Variants in BCL7A observed in about 807,000 individuals in gnomAD.
The protein encoded by BCL7A is BAF chromatin remodeling complex subunit BCL7A.
BCL7A carries 11 observed loss-of-function variants against 28.4 expected under a neutral mutation model. That is an observed-to-expected ratio of 0.39 (90% confidence interval 0.24 to 0.64). The LOEUF (loss-of-function observed/expected upper bound fraction) is 0.64. BCL7A is among the 30% of genes least tolerant of loss of function. The probability of loss-of-function intolerance (pLI) is 0.50; values close to 1 mark genes in which losing one functional copy is unlikely to be tolerated. For missense variants in BCL7A, 222 were observed against 274.8 expected (o/e 0.81, Z 1.36); for synonymous variants, 123 against 103.3 (o/e 1.19, Z -1.15).
intron 1 of BCL7A, among the ~76,000 whole-genome samples, chr12:122,023,697 C>T (rs569050590): frequency 1.3e-5 from 2 of 152,266 alleles, no homozygotes; most frequent in East Asian, 1.9e-4. Context: ...TCCCCTGGTA[C>T]ACAGGGTGCC....
chr12:122,054,407 G>T (rs7299842), intron 4 of BCL7A, among the ~76,000 whole-genome samples: 1 of 152,042 alleles, frequency 6.6e-6, no homozygotes, highest in Non-Finnish European at 1.5e-5. Context: ...ATTATTAAGA[G>T]AAATGTTTAC....
chr12:122,061,713 C>A lies in BCL7A; in HGVS notation c.*2550C>A, dbSNP rs758996441. ...AGGGCAAACCTAATTCCCCCCAAAA[C>A]GTGAAGTCGGGGAAGCTGCGGCTAC... On this transcript the variant is annotated 3_prime_UTR_variant, in exon 6 of 6. Coordinates refer to ENST00000261822, the MANE Select transcript of BCL7A (RefSeq NM_001024808.3). The A allele has an allele frequency of 4.3e-6, 1 of 231,088 alleles. No homozygotes were observed. Among genetic ancestry groups the A allele is most frequent in the South Asian group, 1.8e-4 (1 of 5,498 alleles). 14.3% of individuals were successfully genotyped at this position (231,088 alleles called of 1,614,324 possible).
At chr12:122,054,988 G>A in intron 5 of BCL7A, 62 bp downstream of exon 5, 1 of 1,613,298 alleles carries the variant, frequency 6.2e-7, no homozygotes, top group Non-Finnish European at 8.5e-7. Context: ...GGGTTGTCGG[G>A]GGTACGTTGA....
At chr12:122,024,241 T>G (rs1883558556) in intron 1 of BCL7A, among the ~76,000 whole-genome samples, 2 of 152,318 alleles carry the variant, frequency 1.3e-5, no homozygotes, top group Non-Finnish European at 2.9e-5. Context: ...TGGTCCAGCT[T>G]CCAGTTCACT....
rs1231863940 is a variant in BCL7A at position 122,054,848 on chromosome 12, G to T, written c.483G>T (p.Ser161=). The change falls in exon 5 of 6, where the codon TCG becomes TCT. Residue 161 remains serine, a synonymous_variant. Coordinates refer to ENST00000261822, the MANE Select transcript of BCL7A (RefSeq NM_001024808.3). Reference sequence around the variant, plus strand: ...ATTCACAGTCCTCGATGGAACATTCGATGAACAGCTCAGAGAAAGTAGATC... The same window carrying T: ...ATTCACAGTCCTCGATGGAACATTCTATGAACAGCTCAGAGAAAGTAGATC... ...EQNSQSSMEH[S]MNSSEKVDRQ... 1 of 1,614,068 alleles carries T rather than the reference G, an allele frequency of 6.2e-7. No homozygotes were observed. Among genetic ancestry groups the T allele is most frequent in the Non-Finnish European group, 8.5e-7 (1 of 1,180,052 alleles).
At chr12:122,032,628 C>T (rs572574825) in intron 2 of BCL7A, among the ~76,000 whole-genome samples, 42 of 152,164 alleles carry the variant, frequency 2.8e-4, no homozygotes, top group Admixed American at 5.9e-4. Context: ...AGACCAGCCC[C>T]GATTAACCTG....
At chr12:122,025,225 C>A (rs1441328019) in intron 1 of BCL7A, among the ~76,000 whole-genome samples, 2 of 151,822 alleles carry the variant, frequency 1.3e-5, no homozygotes, top group Admixed American at 6.6e-5. Context: ...AGGCCCGCTG[C>A]GGTGGCTCAC....
At chr12:122,049,034 A>AT (rs1565941514) in intron 4 of BCL7A, among the ~76,000 whole-genome samples, 606 of 56,662 alleles carry the variant, frequency 0.011, no homozygotes, top group South Asian at 0.034. Flanking sequence ...AAAAAAAAAA[A>AT]AATATATATA....
At position 122,035,896 on chromosome 12, in the gene BCL7A, G is replaced by A. The variant is rs575491281; in HGVS notation, c.271+469G>A. Among the ~76,000 whole-genome samples, 70 of 152,102 alleles carry A rather than the reference G, an allele frequency of 4.6e-4. 1 individual carries two copies. The highest frequency in any genetic ancestry group is 1.3e-3 in the African/African-American group (54 of 41,492). On this transcript the variant is annotated intron_variant, in intron 3 of 5. Transcript: ENST00000261822. ...TGCTCTGTTGACCAGGCCAGAGTGC[G>A]GTGGCGTGGTCTTGGCTCACTGCAA...
intron 3 of BCL7A, among the ~76,000 whole-genome samples, chr12:122,041,348 T>G (rs1457482854): frequency 1.3e-5 from 2 of 152,058 alleles, no homozygotes; most frequent in Non-Finnish European, 2.9e-5. Flanking sequence ...GGTGCCCAGG[T>G]CTGTTGGGGT....
rs57981128 is a variant in BCL7A at position 122,060,791 on chromosome 12, A to AT, written c.*1639dup. ...AAGAGTTTCTGAGGGTGAGGCTCTT[A>AT]TTTTTTTTTTTAAGGGATCCTGTCT... On this transcript the variant is annotated 3_prime_UTR_variant, in exon 6 of 6. Coordinates refer to ENST00000261822, the MANE Select transcript of BCL7A (RefSeq NM_001024808.3). The AT allele has an allele frequency of 0.064, 11,728 of 183,070 alleles. 427 individuals carry two copies. Among genetic ancestry groups the AT allele is most frequent in the African/African-American group, 0.16 (6,442 of 40,192 alleles). 11.3% of individuals were successfully genotyped at this position (183,070 alleles called of 1,614,324 possible). A position where few individuals can be genotyped will look rare whatever the true frequency, so the allele number is the denominator to read the frequency against.
In BCL7A at chr12:122,059,088, C is replaced by T. The variant is rs1951898762; in HGVS notation, c.562-4C>T. 6.2e-7 allele frequency: 1 copy of T among 1,603,838 alleles called. No homozygotes were observed. The highest frequency in any genetic ancestry group is 8.5e-7 in the Non-Finnish European group (1 of 1,170,582). ...CTGTGTTCCCCTTTTCTCCTCTCCC[C>T]AAGGATTTGGAAGGAGTGCCACCCT... On this transcript the variant is annotated splice_polypyrimidine_tract_variant and splice_region_variant and intron_variant, in intron 5 of 5. Transcript: ENST00000261822. This position sits in a 1 kb window ranked among gnomAD's most constrained non-coding sequence, Gnocchi z 4.0.
chr12:122,037,833 C>T (rs12830351), intron 3 of BCL7A, among the ~76,000 whole-genome samples: 64,470 of 152,062 alleles, frequency 0.42, 15,327 homozygotes, highest in Non-Finnish European at 0.56. Context: ...CCTGTAATCC[C>T]AGCTAGTCGG....
chr12:122,025,966 A>G (rs10770188), intron 1 of BCL7A, among the ~76,000 whole-genome samples: 49,509 of 109,070 alleles, frequency 0.45, 12,071 homozygotes, highest in African/African-American at 0.53. Context: ...AAAAAAAAAA[A>G]AAGAAGAAAG....
At chr12:122,026,303 C>T (rs1373864389) in intron 1 of BCL7A, among the ~76,000 whole-genome samples, 1 of 151,424 alleles carries the variant, frequency 6.6e-6, no homozygotes, top group East Asian at 1.9e-4. Context: ...ATTAGACAGG[C>T]ATGGTGACCC....
chr12:122,061,165 A>G lies in BCL7A; in HGVS notation c.*2002A>G, dbSNP rs1003355891. On this transcript the variant is annotated 3_prime_UTR_variant, in exon 6 of 6. Coordinates refer to ENST00000261822, the MANE Select transcript of BCL7A (RefSeq NM_001024808.3). ...CCATCTTGGTGAGAGATGAATTTGG[A>G]TATTTATTTCCTTCTCTGTTTTTGG... is the stretch of plus-strand genomic sequence containing the variant. 4.4e-6 allele frequency: 1 copy of G among 226,380 alleles called. No homozygotes were observed. The highest frequency in any genetic ancestry group is 2.2e-5 in the African/African-American group (1 of 44,892). The allele number at this position is 226,380 out of a possible 1,614,324, so 14.0% of individuals were successfully genotyped here.
rs369773677 is a variant in BCL7A at position 122,025,819 on chromosome 12, C to T, written c.92+3636C>T. Among the ~76,000 whole-genome samples the T allele has an allele frequency of 2.6e-4, 40 of 151,018 alleles. 1 individual carries two copies. Among genetic ancestry groups the T allele is most frequent in the African/African-American group, 9.5e-4 (39 of 41,120 alleles). The stretch of plus-strand genomic sequence containing the variant: ...AAAATTAGCTGGATGTGGTGGTACA[C>T]GCCTGTAATCCCAGCTACTCTTAAG... On this transcript the variant is annotated intron_variant, in intron 1 of 5. Transcript: ENST00000261822.
intron 4 of BCL7A, among the ~76,000 whole-genome samples, chr12:122,053,868 A>G (rs931142630): frequency 1.3e-5 from 2 of 152,154 alleles, no homozygotes; most frequent in Admixed American, 6.6e-5. Flanking sequence ...TAAAGACATG[A>G]AGAATTCCTC....
chr12:122,048,194 C>T (rs1410206280), intron 4 of BCL7A, among the ~76,000 whole-genome samples: 4 of 150,634 alleles, frequency 2.7e-5, no homozygotes, highest in Admixed American at 6.7e-5. Flanking sequence ...TGAGCCACTG[C>T]GCCTAGGCTG....
Sources: gnomAD v4.1 joint callset for allele counts (sites outside exome capture counted in the v4.1 genomes callset) on GRCh38, gnomAD v4.1.1 for gene constraint, Gnocchi (gnomAD v3.1) non-coding constraint, MANE v1.5 for transcripts, NCBI Gene and HGNC (gene_info 2026-07-23, HGNC 2026-07-21) for gene names.